HS2ST1: variants seen among roughly 807,000 people sequenced by gnomAD.
HS2ST1 encodes the protein 2-O-sulfotransferase.
HS2ST1 carries 18 observed loss-of-function variants against 42.9 expected under a neutral mutation model. The ratio of observed to expected loss-of-function variants is 0.42; its 90% CI spans 0.29 to 0.62. The LOEUF is 0.62. Among genes scored for constraint, HS2ST1 ranks in the 20% least tolerant of loss-of-function variants. The pLI is 0.21. For missense variants in HS2ST1, 334 were observed against 433.8 expected, an observed-to-expected ratio of 0.77 and a Z score of 2.04; for synonymous variants, 146 against 152.9, an observed-to-expected ratio of 0.95 and a Z score of 0.33.
intron 1 of HS2ST1, among the ~76,000 whole-genome samples, chr1:87,051,818 GAC>G (rs1286593577): frequency 6.6e-6 from 1 of 152,122 alleles, no homozygotes; most frequent in Non-Finnish European, 1.5e-5. Context: ...TGCAAAGGAA[GAC>G]AGTTTTTGGA....
chr1:86,990,475 A>G (rs968068657), intron 1 of HS2ST1, among the ~76,000 whole-genome samples: 1 of 152,104 alleles, frequency 6.6e-6, no homozygotes, highest in African/African-American at 2.4e-5. Context: ...CTACCTAAGC[A>G]TGCAAGAAAA....
rs569615914 is a variant in HS2ST1, at chr1:86,964,123, C to T, written c.124+48963C>T. ...CCCCACATCTCAGACGATGGGCAGC[C>T]GGGCAGAGACGCTCCTCACTTCCTA... On this transcript the variant is annotated intron_variant, in intron 1 of 6. Coordinates refer to ENST00000370550, the MANE Select transcript of HS2ST1 (RefSeq NM_012262.4). 2.3e-4 allele frequency among the ~76,000 whole-genome samples: 34 copies of T among 150,246 alleles called. No individual in the cohort carries two copies. In the East Asian group the frequency reaches 4.5e-3, roughly 20 times the overall value.
chr1:87,082,496 CAG>C (rs1651720181), intron 2 of HS2ST1, among the ~76,000 whole-genome samples: 1 of 152,150 alleles, frequency 6.6e-6, no homozygotes, highest in African/African-American at 2.4e-5. Context: ...TTCTGGAAAA[CAG>C]AGGTGAGTTG....
intron 1 of HS2ST1, among the ~76,000 whole-genome samples, chr1:87,069,965 C>A (rs139242774): frequency 3.4e-4 from 51 of 152,200 alleles, no homozygotes; most frequent in African/African-American, 1.1e-3. Flanking sequence ...AAAATAGATA[C>A]CTGCTTATGA....
chr1:87,105,155 T>A lies in HS2ST1; in HGVS notation c.*459T>A, dbSNP rs537707282. The A allele has an allele frequency of 6.5e-6, 1 of 153,308 alleles. No individual in the cohort carries two copies. The highest frequency in any genetic ancestry group is 6.5e-5 in the Admixed American group (1 of 15,342). 9.5% of individuals were successfully genotyped at this position (153,308 alleles called of 1,614,324 possible). ...AATAACTGTTTGGCAGTGTGTACTT[T>A]GTTTTTGTGAGTCATGTCTCATGAA... On this transcript the variant is annotated 3_prime_UTR_variant, in exon 7 of 7. Transcript: ENST00000370550.
intron 1 of HS2ST1, among the ~76,000 whole-genome samples, chr1:87,048,563 C>G (rs1009758080): frequency 1.3e-5 from 2 of 151,598 alleles, no homozygotes; most frequent in African/African-American, 4.9e-5. Context: ...TGAGGAAGTT[C>G]CCTTCTATTC....
intron 1 of HS2ST1, among the ~76,000 whole-genome samples, chr1:86,955,526 T>A (rs1377346546): frequency 1.3e-5 from 2 of 152,056 alleles, no homozygotes. Flanking sequence ...TTTTACAGTA[T>A]ACCAAGTGAA....
chr1:86,986,540 A>G (rs1319304414), intron 1 of HS2ST1, among the ~76,000 whole-genome samples: 1 of 152,198 alleles, frequency 6.6e-6, no homozygotes, highest in Non-Finnish European at 1.5e-5. Context: ...TAAGGTTGTT[A>G]ATTAGGTATC....
At chr1:87,039,336 G>C (rs1042276861) in intron 1 of HS2ST1, among the ~76,000 whole-genome samples, 1 of 152,160 alleles carries the variant, frequency 6.6e-6, no homozygotes. Flanking sequence ...GTCAGGGCGC[G>C]GTGTGGACCA....
At chr1:87,040,419 G>A (rs1322170163) in intron 1 of HS2ST1, among the ~76,000 whole-genome samples, 2 of 151,980 alleles carry the variant, frequency 1.3e-5, no homozygotes, top group Non-Finnish European at 2.9e-5. Context: ...TGCCCATTCT[G>A]CCCGTCTTTG....
At chr1:86,946,410 C>T (rs1647337346) in intron 1 of HS2ST1, among the ~76,000 whole-genome samples, 1 of 152,168 alleles carries the variant, frequency 6.6e-6, no homozygotes, top group South Asian at 2.1e-4. Context: ...AGGATTAGAA[C>T]TCTTTTTACC....
At chr1:87,066,185 G>A (rs1287042383) in intron 1 of HS2ST1, among the ~76,000 whole-genome samples, 1 of 152,132 alleles carries the variant, frequency 6.6e-6, no homozygotes, top group Non-Finnish European at 1.5e-5. Flanking sequence ...TATGGAAATA[G>A]GTAAATATTA....
intron 4 of HS2ST1, among the ~76,000 whole-genome samples, chr1:87,094,095 C>G (rs3949926): frequency 0.13 from 19,154 of 151,964 alleles, 1,292 homozygotes; most frequent in African/African-American, 0.15. Flanking sequence ...ATATTTATTT[C>G]TAAATTCACT....
At chr1:86,937,466 T>C (rs1557485936) in intron 1 of HS2ST1, among the ~76,000 whole-genome samples, 1 of 152,192 alleles carries the variant, frequency 6.6e-6, no homozygotes, top group African/African-American at 2.4e-5. Context: ...GCATTCTTTC[T>C]TATTTGTGAT....
chr1:87,082,027 C>T (rs1651705080), intron 2 of HS2ST1, among the ~76,000 whole-genome samples: 1 of 146,644 alleles, frequency 6.8e-6, no homozygotes, highest in African/African-American at 2.5e-5. Context: ...AAGAGATAAA[C>T]AAAATCAAGA....
rs374850511 is a variant in HS2ST1 at position 87,023,884 on chromosome 1, A to C, written c.125-49050A>C. The stretch of plus-strand genomic sequence containing the variant: ...TGATTTAAATATATCTATTGAGGTC[A>C]TGCCGCCACTGGGACATATCCATAG... On this transcript the variant is annotated intron_variant, in intron 1 of 6. Coordinates refer to ENST00000370550, the MANE Select transcript of HS2ST1 (RefSeq NM_012262.4). Among the ~76,000 whole-genome samples the C allele has an allele frequency of 2.6e-5, 4 of 152,170 alleles. No homozygotes were observed. In the South Asian group the frequency reaches 6.2e-4, roughly 24 times the overall value.
intron 1 of HS2ST1, among the ~76,000 whole-genome samples, chr1:86,916,538 T>C (rs1375602681): frequency 6.6e-6 from 1 of 152,198 alleles, no homozygotes; most frequent in African/African-American, 2.4e-5. Flanking sequence ...CAACTAAAGT[T>C]GGAGGAAAAC....
intron 1 of HS2ST1, among the ~76,000 whole-genome samples, chr1:87,014,249 G>A (rs542646119): frequency 6.6e-6 from 1 of 152,164 alleles, no homozygotes; most frequent in Non-Finnish European, 1.5e-5. Flanking sequence ...CACATGGCTG[G>A]GGAGGCCTCA....
At chr1:87,066,769 T>C (rs1351301189) in intron 1 of HS2ST1, among the ~76,000 whole-genome samples, 2 of 151,312 alleles carry the variant, frequency 1.3e-5, no homozygotes, top group African/African-American at 4.8e-5. Flanking sequence ...TTCCCCTACC[T>C]GTGTCCATGT....
Sources: allele counts gnomAD v4.1 joint callset (sites outside exome capture counted in the v4.1 genomes callset), GRCh38; gene constraint gnomAD v4.1.1; transcripts MANE v1.5; gene names NCBI Gene and HGNC (gene_info 2026-07-23, HGNC 2026-07-21).